Variants in KIRREL3 observed in about 807,000 individuals in gnomAD.
The protein encoded by KIRREL3 is kirre like nephrin family adhesion molecule 3.
KIRREL3 carries 36 observed loss-of-function variants against 89.7 expected under a neutral mutation model. That is an observed-to-expected ratio of 0.40 (90% CI 0.31 to 0.53). The LOEUF (loss-of-function observed/expected upper bound fraction) is 0.53, where lower values mean the gene tolerates loss of function less well. KIRREL3 is among the 20% of genes least tolerant of loss of function. The pLI is 0.49. For synonymous variants in KIRREL3, 445 were observed against 441.4 expected (o/e 1.01, Z -0.10); for missense variants, 864 against 1,056.6 (o/e 0.82, Z 2.53).
chr11:126,869,233 C>A (rs10893602), intron 1 of KIRREL3, among the ~76,000 whole-genome samples: 41,614 of 149,534 alleles, frequency 0.28, 5,930 homozygotes, highest in East Asian at 0.42. Context: ...AGCCCTCAGC[C>A]AATGACAGAG....
chr11:126,743,047 C>T (rs1472557472), intron 1 of KIRREL3, among the ~76,000 whole-genome samples: 1 of 152,184 alleles, frequency 6.6e-6, no homozygotes, highest in Admixed American at 6.5e-5. Context: ...ACAGGAAAAC[C>T]AATTTAAGAT....
intron 1 of KIRREL3, among the ~76,000 whole-genome samples, chr11:126,584,822 C>T (rs1037030424): frequency 2.0e-5 from 3 of 152,224 alleles, no homozygotes; most frequent in African/African-American, 7.2e-5. Context: ...GGGCACTTAA[C>T]TCAATAATAC....
rs188503194 is a variant in KIRREL3 at position 126,594,771 on chromosome 11, G to A, written c.56-31859C>T. 6.6e-6 allele frequency among the ~76,000 whole-genome samples: 1 copy of A among 152,176 alleles called. No individual in the cohort carries two copies. Among genetic ancestry groups the A allele is most frequent in the African/African-American group, 2.4e-5 (1 of 41,422 alleles). ...AGAGACACTGAATAGAACATAGAAGGGGTTGTTTTCCTAAAGCTCATATAA... is the reference window on the plus strand; with the variant it reads ...AGAGACACTGAATAGAACATAGAAGAGGTTGTTTTCCTAAAGCTCATATAA... On this transcript the variant is annotated intron_variant, in intron 1 of 16. Transcript: ENST00000525144. The surrounding 1 kb of genome is among the most constrained non-coding windows in gnomAD (Gnocchi z 5.0).
intron 2 of KIRREL3, among the ~76,000 whole-genome samples, chr11:126,559,527 C>A (rs966700597): frequency 6.9e-6 from 1 of 145,798 alleles, no homozygotes; most frequent in Admixed American, 6.9e-5. Context: ...ATACACACAC[C>A]AGCTGCTGTG....
At chr11:126,901,267 T>C (rs1166979040) in intron 1 of KIRREL3, among the ~76,000 whole-genome samples, 1 of 149,360 alleles carries the variant, frequency 6.7e-6, no homozygotes, top group Non-Finnish European at 1.5e-5. Flanking sequence ...GCACAGCACA[T>C]AGAACCTGCT....
rs960585538 is a variant in KIRREL3, at chr11:126,754,123, A to G, written c.56-191211T>C. ...CCCTGGAAACTGCATAACCATTTGAATTAATTTAATTTGAAATATCAAATT... is the reference window on the plus strand; with the variant it reads ...CCCTGGAAACTGCATAACCATTTGAGTTAATTTAATTTGAAATATCAAATT... On this transcript the variant is annotated intron_variant, in intron 1 of 16. Coordinates refer to ENST00000525144, the MANE Select transcript of KIRREL3 (RefSeq NM_032531.4). The surrounding 1 kb of genome is among the most constrained non-coding windows in gnomAD (Gnocchi z 5.1). Among the ~76,000 whole-genome samples, 1 of 152,206 alleles carries G rather than the reference A, an allele frequency of 6.6e-6. No homozygotes were observed. Among genetic ancestry groups the G allele is most frequent in the Non-Finnish European group, 1.5e-5 (1 of 68,048 alleles).
chr11:126,673,404 C>G (rs1210775057), intron 1 of KIRREL3, among the ~76,000 whole-genome samples: 1 of 152,124 alleles, frequency 6.6e-6, no homozygotes, highest in Non-Finnish European at 1.5e-5. Flanking sequence ...TAACTCTGGT[C>G]ACTTTGGAGC....
rs1940814044 is a variant in KIRREL3, at chr11:126,570,116, A to G, written c.56-7204T>C. Among the ~76,000 whole-genome samples the G allele has an allele frequency of 6.6e-6, 1 of 152,196 alleles. No homozygotes were observed. The highest frequency in any genetic ancestry group is 2.4e-5 in the African/African-American group (1 of 41,440). On this transcript the variant is annotated intron_variant, in intron 1 of 16. Transcript: ENST00000525144. This position sits in a 1 kb window ranked among gnomAD's most constrained non-coding sequence, Gnocchi z 6.1. ...GACTAGTGCCTGGCCCTGGACCTCCAGGACGAGTGATAAATGTTTAATTAG... is the reference window on the plus strand; with the variant it reads ...GACTAGTGCCTGGCCCTGGACCTCCGGGACGAGTGATAAATGTTTAATTAG...
chr11:126,679,445 C>T (rs1415957561), intron 1 of KIRREL3, among the ~76,000 whole-genome samples: 1 of 152,190 alleles, frequency 6.6e-6, no homozygotes, highest in Non-Finnish European at 1.5e-5. Context: ...AGCTTCAAAA[C>T]ATGTTCCCTT....
rs1949358600 is a variant in KIRREL3, at chr11:126,969,052, A to G, written c.55+31403T>C. 6.6e-6 allele frequency among the ~76,000 whole-genome samples: 1 copy of G among 152,146 alleles called. No individual in the cohort carries two copies. The highest frequency in any genetic ancestry group is 1.5e-5 in the Non-Finnish European group (1 of 68,020). On this transcript the variant is annotated intron_variant, in intron 1 of 16. Coordinates refer to ENST00000525144, the MANE Select transcript of KIRREL3 (RefSeq NM_032531.4). The surrounding 1 kb of genome is among the most constrained non-coding windows in gnomAD (Gnocchi z 4.9). ...TCCTTGCATAGATGTCAGAAGTAACACTTCAGGCGGGGGCGTCTGAGGTTC... is the reference window on the plus strand; with the variant it reads ...TCCTTGCATAGATGTCAGAAGTAACGCTTCAGGCGGGGGCGTCTGAGGTTC...
chr11:126,878,481 A>G (rs1482819165), intron 1 of KIRREL3, among the ~76,000 whole-genome samples: 1 of 152,210 alleles, frequency 6.6e-6, no homozygotes, highest in Non-Finnish European at 1.5e-5. Context: ...AGAGAAAAAA[A>G]TCAATAGAGC....
intron 1 of KIRREL3, among the ~76,000 whole-genome samples, chr11:126,847,508 A>G (rs1270699086): frequency 6.6e-6 from 1 of 152,112 alleles, no homozygotes. Context: ...GTGCTCTTAA[A>G]TGCAAGTTTC....
intron 1 of KIRREL3, among the ~76,000 whole-genome samples, chr11:126,988,077 T>G (rs1262321165): frequency 6.6e-6 from 1 of 152,234 alleles, no homozygotes; most frequent in Non-Finnish European, 1.5e-5. Flanking sequence ...AGGAGGGTTT[T>G]GAAGTTCTGG....
In KIRREL3 at chr11:126,883,785, G is replaced by C. The variant is rs1276257302; in HGVS notation, c.55+116670C>G. ...TCTAAAAGCTACTAAAAAAATGCTTGTTTGAAATTAAAGATCCAATGTTAG... is the reference window on the plus strand; with the variant it reads ...TCTAAAAGCTACTAAAAAAATGCTTCTTTGAAATTAAAGATCCAATGTTAG... On this transcript the variant is annotated intron_variant, in intron 1 of 16. Coordinates refer to ENST00000525144, the MANE Select transcript of KIRREL3 (RefSeq NM_032531.4). The surrounding 1 kb of genome is among the most constrained non-coding windows in gnomAD (Gnocchi z 4.1). Among the ~76,000 whole-genome samples, 1 of 152,080 alleles carries C rather than the reference G, an allele frequency of 6.6e-6. No homozygotes were observed. Among genetic ancestry groups the C allele is most frequent in the African/African-American group, 2.4e-5 (1 of 41,390 alleles).
Position 126,473,296 on chromosome 11 carries a change from C to T in KIRREL3, c.591+13G>A. The T allele has an allele frequency of 2.1e-6, 3 of 1,412,920 alleles. No individual in the cohort carries two copies. Among genetic ancestry groups the T allele is most frequent in the South Asian group, 2.7e-5 (2 of 74,380 alleles). 87.5% of individuals were successfully genotyped at this position (1,412,920 alleles called of 1,614,324 possible). On this transcript the variant is annotated intron_variant, in intron 5 of 16. Coordinates refer to ENST00000525144, the MANE Select transcript of KIRREL3 (RefSeq NM_032531.4). ...AGCCCGTCCACACCCACCCCCTCCC[C>T]TCCAGGCCTCACCTTGGAGTAGGTG...
At chr11:126,799,145 T>G (rs867631205) in intron 1 of KIRREL3, among the ~76,000 whole-genome samples, 2 of 137,366 alleles carry the variant, frequency 1.5e-5, no homozygotes, top group African/African-American at 2.8e-5. Context: ...TACCTGTGTG[T>G]GCATGTGCGT....
chr11:126,777,104 G>C (rs988058685), intron 1 of KIRREL3, among the ~76,000 whole-genome samples: 4 of 152,184 alleles, frequency 2.6e-5, no homozygotes, highest in Admixed American at 2.6e-4. Context: ...CACCAAACTG[G>C]ACCCATCTTG....
rs1956475037 is a variant in KIRREL3, at chr11:126,459,382, C to G, written c.743-2928G>C. ...AGGCTGCTCTCCTGCACTTTCCCTTCCTCTTAGCATCGTCTTTGGTGATCA... is the reference window on the plus strand; with the variant it reads ...AGGCTGCTCTCCTGCACTTTCCCTTGCTCTTAGCATCGTCTTTGGTGATCA... On this transcript the variant is annotated intron_variant, in intron 6 of 16. Transcript: ENST00000525144. This position sits in a 1 kb window ranked among gnomAD's most constrained non-coding sequence, Gnocchi z 4.8. 6.6e-6 allele frequency among the ~76,000 whole-genome samples: 1 copy of G among 152,174 alleles called. No individual in the cohort carries two copies. Among genetic ancestry groups the G allele is most frequent in the Admixed American group, 6.5e-5 (1 of 15,280 alleles).
Position 126,525,727 on chromosome 11 carries a change from C to T in KIRREL3, c.283+811G>A, listed in dbSNP as rs1048962435. Reference sequence around the variant, plus strand: ...CCCTGCTTGTGAATTTTACTGTGTACGCCAAGCCTAGCAAACAACCACTGC... The same window carrying T: ...CCCTGCTTGTGAATTTTACTGTGTATGCCAAGCCTAGCAAACAACCACTGC... On this transcript the variant is annotated intron_variant, in intron 3 of 16. Transcript: ENST00000525144. The surrounding 1 kb of genome is among the most constrained non-coding windows in gnomAD (Gnocchi z 5.4). Among the ~76,000 whole-genome samples, 4 of 152,154 alleles carry T rather than the reference C, an allele frequency of 2.6e-5. No homozygotes were observed. The highest frequency in any genetic ancestry group is 4.8e-5 in the African/African-American group (2 of 41,440).
Sources: allele counts gnomAD v4.1 joint callset (sites outside exome capture counted in the v4.1 genomes callset), GRCh38; gene constraint gnomAD v4.1.1; non-coding constraint Gnocchi (gnomAD v3.1); transcripts MANE v1.5; gene names NCBI Gene and HGNC (gene_info 2026-07-23, HGNC 2026-07-21).